Variants in SNAP91 observed in about 807,000 individuals in gnomAD.
SNAP91 encodes synaptosome associated protein 91.
A neutral mutation model predicts 100.3 loss-of-function variants in SNAP91; 27 were observed. That is an observed-to-expected ratio of 0.27 (90% CI 0.20 to 0.37). SNAP91 has a LOEUF of 0.37. Ranked by LOEUF, SNAP91 falls within the 10% of genes least tolerant of loss-of-function variation. The pLI is 1.00. For synonymous variants in SNAP91, 404 were observed against 398.6 expected (o/e 1.01, Z -0.16); for missense variants, 986 against 1,123.7 (o/e 0.88, Z 1.75).
intron 8 of SNAP91, among the ~76,000 whole-genome samples, chr6:83,639,717 G>A (rs1057073263): frequency 1.3e-5 from 2 of 152,066 alleles, no homozygotes; most frequent in African/African-American, 4.8e-5. Flanking sequence ...GATTAGAGAA[G>A]TGTATACCCC....
intron 8 of SNAP91, among the ~76,000 whole-genome samples, chr6:83,638,226 G>A (rs141010590): frequency 7.2e-5 from 11 of 152,224 alleles, no homozygotes; most frequent in Non-Finnish European, 1.2e-4. Context: ...CTATGTTGAA[G>A]GCAACTGTGT....
rs142422048 is a variant in SNAP91 at position 83,678,795 on chromosome 6, G to A, written c.131-13214C>T. ...AGCCTTACTGTTATTATTCTTGAACGCCCTCATCTTACTTCCTAGGAGGAA... is the reference window on the plus strand; with the variant it reads ...AGCCTTACTGTTATTATTCTTGAACACCCTCATCTTACTTCCTAGGAGGAA... On this transcript the variant is annotated intron_variant, in intron 2 of 29. Coordinates refer to ENST00000369694, the MANE Select transcript of SNAP91 (RefSeq NM_001242792.2). 645 of 1,287,654 alleles carry A rather than the reference G, an allele frequency of 5.0e-4. 2 individuals are homozygous for A. In the East Asian group the frequency reaches 0.017, roughly 34 times the overall value. 79.8% of individuals were successfully genotyped at this position (1,287,654 alleles called of 1,614,324 possible).
intron 16 of SNAP91, among the ~76,000 whole-genome samples, chr6:83,599,699 T>A (rs551476328): frequency 7.2e-5 from 11 of 152,306 alleles, no homozygotes; most frequent in African/African-American, 2.4e-4. Context: ...GTTGATTTTA[T>A]AAATGTAAGC....
At chr6:83,567,150 C>G (rs1005403775) in intron 26 of SNAP91, among the ~76,000 whole-genome samples, 6 of 152,122 alleles carry the variant, frequency 3.9e-5, no homozygotes, top group Non-Finnish European at 5.9e-5. Flanking sequence ...GCTGCCCAGG[C>G]TAGCCTCAAA....
chr6:83,673,485 C>T (rs573947092), intron 2 of SNAP91, among the ~76,000 whole-genome samples: 1 of 152,248 alleles, frequency 6.6e-6, no homozygotes, highest in Admixed American at 6.5e-5. Context: ...TGTTTATAAG[C>T]ATCTAGTCTA....
chr6:83,706,391 AGGTGCCCTGGCCCTGGTGGCC>A (rs1562765517), intron 2 of SNAP91, among the ~76,000 whole-genome samples: 5 of 152,252 alleles, frequency 3.3e-5, no homozygotes, highest in Admixed American at 3.3e-4. Context: ...TACTTCTCTT[AGGTGCCCTGGCCCTGGTGGCC>A]TCTTTCATCC....
chr6:83,555,302 CA>C (rs1469154485), intron 29 of SNAP91, among the ~76,000 whole-genome samples: 1 of 152,094 alleles, frequency 6.6e-6, no homozygotes. Flanking sequence ...TGTAGCACAG[CA>C]GGTGCATACT....
chr6:83,636,608 G>C (rs1211607829), intron 8 of SNAP91, among the ~76,000 whole-genome samples: 2 of 151,958 alleles, frequency 1.3e-5, no homozygotes, highest in African/African-American at 4.8e-5. Context: ...AATTTCTCTT[G>C]GATCTTATTG....
In SNAP91 at chr6:83,553,445, G is replaced by A. The variant is rs79445663; in HGVS notation, c.*851C>T. Reference sequence around the variant, plus strand: ...CTTTAAATTACAGATATACCTTGGGGTGCCTTCAGAATCACTTGAATAGCA... The same window carrying A: ...CTTTAAATTACAGATATACCTTGGGATGCCTTCAGAATCACTTGAATAGCA... On this transcript the variant is annotated 3_prime_UTR_variant, in exon 30 of 30. Coordinates refer to ENST00000369694, the MANE Select transcript of SNAP91 (RefSeq NM_001242792.2). The A allele has an allele frequency of 1.3e-5, 2 of 152,070 alleles. No individual in the cohort carries two copies. The highest frequency in any genetic ancestry group is 2.9e-5 in the Non-Finnish European group (2 of 68,012). The allele number at this position is 152,070 out of a possible 1,614,324, so 9.4% of individuals were successfully genotyped here. A position where few individuals can be genotyped will look rare whatever the true frequency, so the allele number is the denominator to read the frequency against.
intron 24 of SNAP91, among the ~76,000 whole-genome samples, chr6:83,578,717 A>G (rs117492111): frequency 0.019 from 2,965 of 152,272 alleles, 53 homozygotes; most frequent in East Asian, 0.058. Flanking sequence ...TCTACTGCAC[A>G]AAAGTATTAC....
intron 22 of SNAP91, among the ~76,000 whole-genome samples, chr6:83,590,257 C>T (rs1209619365): frequency 6.6e-6 from 1 of 152,110 alleles, no homozygotes; most frequent in Non-Finnish European, 1.5e-5. Flanking sequence ...ATAATCTGAA[C>T]TTAAACTTAC....
In SNAP91 at chr6:83,593,514, CGGTGGCAGCGGAGGTGGTGGTAGTGGT is replaced by C. The variant is rs1297572575; in HGVS notation, c.1633_1659del (p.Thr545_Thr553del). On this transcript the variant is annotated inframe_deletion, in exon 18 of 30. Transcript: ENST00000369694. ...TCTAGAGCAGGAGGAGCAGTGGTGG[CGGTGGCAGCGGAGGTGGTGGTAGTGGT>C]GGTGGCAGCGGCGGTGGCAGCAGTA... 7.7e-6 allele frequency: 12 copies of C among 1,552,210 alleles called. No individual in the cohort carries two copies. The highest frequency in any genetic ancestry group is 9.6e-6 in the Non-Finnish European group (11 of 1,147,342).
chr6:83,663,602 G>C (rs2098607030), intron 3 of SNAP91, among the ~76,000 whole-genome samples: 1 of 152,058 alleles, frequency 6.6e-6, no homozygotes, highest in South Asian at 2.1e-4. Flanking sequence ...GAGAGGTGAG[G>C]AAACTGCAGA....
At chr6:83,593,108 G>C in intron 19 of SNAP91, 74 bp downstream of exon 19, 2 of 1,508,134 alleles carry the variant, frequency 1.3e-6, no homozygotes. Context: ...CATTATCACA[G>C]GTGAGTACAA....
At chr6:83,669,231 A>G (rs1260622729) in intron 2 of SNAP91, among the ~76,000 whole-genome samples, 2 of 151,896 alleles carry the variant, frequency 1.3e-5, no homozygotes, top group Non-Finnish European at 2.9e-5. Flanking sequence ...GTGTTTTTCC[A>G]TAGTCATTGC....
Position 83,580,470 on chromosome 6 carries a change from G to A in SNAP91, c.2279C>T (p.Ser760Phe). The A allele has an allele frequency of 6.2e-7, 1 of 1,611,568 alleles. No homozygotes were observed. Among genetic ancestry groups the A allele is most frequent in the Non-Finnish European group, 8.5e-7 (1 of 1,179,032 alleles). The change falls in exon 24 of 30, where the codon TCT (serine) becomes TTT (phenylalanine). Residue 760 changes from serine (S) to phenylalanine (F), a missense_variant. By Grantham distance (155) the Ser-to-Phe change is radical. This residue lies in a region of SNAP91 where 575 missense variants were observed against 579.9 expected (regional missense o/e 0.99). Coordinates refer to ENST00000369694, the MANE Select transcript of SNAP91 (RefSeq NM_001242792.2). ...SKALGSDLDS[S>F]LASLVGNLGI... ...CTCACTGCCTACTAAGCTGGCAAGA[G>A]ATGAATCAAGATCACTTCCAAGGGC...
Position 83,570,426 on chromosome 6 carries a change from TG to T in SNAP91, c.2442+4583del, listed in dbSNP as rs774722307. Among the ~76,000 whole-genome samples, 11 of 152,276 alleles carry T rather than the reference TG, an allele frequency of 7.2e-5. No homozygotes were observed. The South Asian group carries it at 1.9e-3, about 26-fold the overall frequency. The stretch of plus-strand genomic sequence containing the variant: ...TTTCTGAGGAGAAATTCAAGCCAGC[TG>T]CATAAATTTGCATAAGTAACAAAGA... On this transcript the variant is annotated intron_variant, in intron 26 of 29. Coordinates refer to ENST00000369694, the MANE Select transcript of SNAP91 (RefSeq NM_001242792.2).
intron 7 of SNAP91, among the ~76,000 whole-genome samples, chr6:83,641,673 C>A (rs1377920641): frequency 1.3e-5 from 2 of 152,162 alleles, no homozygotes; most frequent in Non-Finnish European, 1.5e-5. Flanking sequence ...AAGTTTTCTA[C>A]ACTAAGTTGA....
intron 2 of SNAP91, among the ~76,000 whole-genome samples, chr6:83,687,770 C>A (rs566085050): frequency 1.3e-5 from 2 of 152,264 alleles, no homozygotes; most frequent in South Asian, 4.1e-4. Flanking sequence ...CTGGGACTAG[C>A]AGGGGCAGAG....
Sources: gnomAD v4.1 joint callset for allele counts (sites outside exome capture counted in the v4.1 genomes callset) on GRCh38, gnomAD v4.1.1 for gene constraint, gnomAD v4.1.1 regional missense constraint, MANE v1.5 for transcripts, NCBI Gene and HGNC (gene_info 2026-07-23, HGNC 2026-07-21) for gene names.